Variants in DMBT1 observed in about 807,000 individuals in gnomAD.
DMBT1 encodes deleted in malignant brain tumors 1.
In DMBT1, 198 loss-of-function variants were observed where a neutral mutation model predicts 252.9. The observed-to-expected ratio is 0.78, with a 90% CI of 0.70 to 0.88. DMBT1 has a LOEUF of 0.88. Among genes scored for constraint, DMBT1 ranks in the 40% least tolerant of loss-of-function variants. DMBT1 has a pLI of 0.00. For missense variants in DMBT1, 2,432 were observed against 2,404.7 expected, an observed-to-expected ratio of 1.01 and a Z score of -0.24; for synonymous variants, 990 against 942.7, an observed-to-expected ratio of 1.05 and a Z score of -0.92.
intron 52 of DMBT1, among the ~76,000 whole-genome samples, chr10:122,634,031 G>A (rs1419597038): frequency 6.6e-6 from 1 of 152,200 alleles, no homozygotes; most frequent in African/African-American, 2.4e-5. Flanking sequence ...CAGCTACTAA[G>A]GAGGCTGAGG....
In DMBT1 at chr10:122,584,340, C is replaced by A. The variant is rs917724199; in HGVS notation, c.1409C>A (p.Thr470Lys). ...CTCACAGCTGCCCACTCCTGGTCGA[C>A]GCCCAGTCCAGGTGAGTCCCCAGTG... ...VICSAAHSWS[T>K]PSPDTLPTIT... The change falls in exon 14 of 56, where the codon ACG becomes AAG. Residue 470 changes from threonine (T) to lysine (K), a missense_variant. Physicochemically the swap from Thr to Lys is moderately conservative, Grantham distance 78. Transcript: ENST00000338354. The A allele has an allele frequency of 1.8e-6, 1 of 556,332 alleles. No homozygotes were observed. Among genetic ancestry groups the A allele is most frequent in the African/African-American group, 2.3e-5 (1 of 44,072 alleles). 34.5% of individuals were successfully genotyped at this position (556,332 alleles called of 1,614,324 possible). A position where few individuals can be genotyped will look rare whatever the true frequency, so the allele number is the denominator to read the frequency against.
At chr10:122,579,078 T>C (rs2097740284) in intron 9 of DMBT1, among the ~76,000 whole-genome samples, 1 of 152,060 alleles carries the variant, frequency 6.6e-6, no homozygotes, top group African/African-American at 2.4e-5. Flanking sequence ...AGATGTGATA[T>C]TGGAGGGTGG....
chr10:122,632,911 C>A lies in DMBT1; in HGVS notation c.6397+21C>A, dbSNP rs755424002. ...AAACAGTAAGTTCTGAGCTCCCTGA[C>A]AAGTCTGTGGCAGAGTGGCCTGGAA... On this transcript the variant is annotated intron_variant, in intron 51 of 55. Transcript: ENST00000338354. 1.4e-5 allele frequency: 22 copies of A among 1,613,678 alleles called. No individual in the cohort carries two copies. The Middle Eastern group carries it at 4.9e-4, about 36-fold the overall frequency.
chr10:122,598,900 A>T lies in DMBT1; in HGVS notation c.3083A>T (p.Asn1028Ile), dbSNP rs779483533. ...GACAGCTGGGACACCAATGATGCCA[A>T]TGTCGTCTGCAGGCAACTGGGCTGT... Reference protein sequence around the residue: ...CDDSWDTNDANVVCRQLGCGW... With the variant: ...CDDSWDTNDAIVVCRQLGCGW... Residue 1028 changes from asparagine (N) to isoleucine (I), a missense_variant, in exon 26 of 56, where the codon AAT (asparagine) becomes ATT (isoleucine). By Grantham distance (149) the Asn-to-Ile change is moderately radical. This residue lies in a region of DMBT1 where 1,264 missense variants were observed against 1,082.2 expected (regional missense o/e 1.17). Coordinates refer to ENST00000338354, the MANE Select transcript of DMBT1 (RefSeq NM_001377530.1). The T allele has an allele frequency of 3.0e-5, 48 of 1,613,828 alleles. No homozygotes were observed. The East Asian group carries it at 9.1e-4, about 31-fold the overall frequency.
intron 48 of DMBT1, 109 bp from the exon 49 acceptor site, chr10:122,630,852 G>A: frequency 8.1e-7 from 1 of 1,228,718 alleles, no homozygotes; most frequent in Non-Finnish European, 1.1e-6. Flanking sequence ...TTTCTATTTG[G>A]CGACTTTAGA....
chr10:122,618,912 G>T (rs2098031200), intron 41 of DMBT1, among the ~76,000 whole-genome samples: 1 of 152,236 alleles, frequency 6.6e-6, no homozygotes. Context: ...GTGTGGGGAG[G>T]GCAGCCCCCA....
intron 40 of DMBT1, among the ~76,000 whole-genome samples, chr10:122,617,613 G>T (rs1317001616): frequency 2.0e-5 from 3 of 151,746 alleles, no homozygotes; most frequent in Middle Eastern, 3.4e-3. Flanking sequence ...CCCTGCAGCT[G>T]TCTGGCCAAG....
At chr10:122,565,305 G>T (rs562789287) in intron 1 of DMBT1, among the ~76,000 whole-genome samples, 3 of 152,244 alleles carry the variant, frequency 2.0e-5, no homozygotes, top group Admixed American at 1.3e-4. Flanking sequence ...GATAGGATGA[G>T]TTTTATCCTT....
chr10:122,593,717 C>T (rs2097873473), intron 21 of DMBT1, 119 bp downstream of exon 21: 2 of 1,320,476 alleles, frequency 1.5e-6, no homozygotes, highest in South Asian at 1.4e-5. Flanking sequence ...ATTATTTCCA[C>T]CCCCAACACC....
intron 5 of DMBT1, among the ~76,000 whole-genome samples, 190 bp from the exon 6 acceptor site, chr10:122,573,525 A>G (rs1186757110): frequency 1.3e-5 from 2 of 152,200 alleles, no homozygotes; most frequent in Admixed American, 1.3e-4. Flanking sequence ...AAGGATGCTC[A>G]TGTGGCATCC....
intron 44 of DMBT1, among the ~76,000 whole-genome samples, chr10:122,622,231 G>A (rs2098076968): frequency 6.6e-6 from 1 of 152,188 alleles, no homozygotes; most frequent in African/African-American, 2.4e-5. Flanking sequence ...CAGCAGGTCT[G>A]GGTGAAACTC....
chr10:122,630,592 C>T lies in DMBT1; in HGVS notation c.6025+102C>T, dbSNP rs1045077138. 51 of 1,197,210 alleles carry T rather than the reference C, an allele frequency of 4.3e-5. 1 individual carries two copies. The highest frequency in any genetic ancestry group is 1.0e-4 in the Admixed American group (5 of 48,384). The allele number at this position is 1,197,210 out of a possible 1,614,324, so 74.2% of individuals were successfully genotyped here. A position where few individuals can be genotyped will look rare whatever the true frequency, so the allele number is the denominator to read the frequency against. On this transcript the variant is annotated intron_variant, in intron 48 of 55. Transcript: ENST00000338354. ...CAAGGAAATCAAAGAAGGGCCTCAG[C>T]GATGCACGGCCCATTCTCTTTCTCT...
At chr10:122,630,034 T>G in intron 47 of DMBT1, 41 bp downstream of exon 47, 1 of 1,610,354 alleles carries the variant, frequency 6.2e-7, no homozygotes, top group Non-Finnish European at 8.5e-7. Context: ...TGAGTTCCTC[T>G]GCAGCACACC....
At chr10:122,634,429 CT>C (rs60007646) in intron 52 of DMBT1, among the ~76,000 whole-genome samples, 3,045 of 53,464 alleles carry the variant, frequency 0.057, 90 homozygotes, top group African/African-American at 0.11. Context: ...CTCTCTCTCT[CT>C]TCTCTCTCTC....
rs752458397 is a variant in DMBT1, at chr10:122,637,298, G to A, written c.6928G>A (p.Gly2310Ser). 4 of 1,609,392 alleles carry A rather than the reference G, an allele frequency of 2.5e-6. No individual in the cohort carries two copies. Among genetic ancestry groups the A allele is most frequent in the South Asian group, 1.1e-5 (1 of 90,334 alleles). ...VIFTIPYSGC[G>S]TFKQADNDTI... ...ATTCACAATTCCCTACTCAGGCTGCGGCACCTTCAAGCAGGTAAGCCTGGG... is the reference window on the plus strand; with the variant it reads ...ATTCACAATTCCCTACTCAGGCTGCAGCACCTTCAAGCAGGTAAGCCTGGG... Residue 2310 changes from glycine (G) to serine (S), a missense_variant, in exon 54 of 56, where the codon GGC becomes AGC. This residue lies in a region of DMBT1 where 1,162 missense variants were observed against 1,169.0 expected (regional missense o/e 0.99). Coordinates refer to ENST00000338354, the MANE Select transcript of DMBT1 (RefSeq NM_001377530.1).
intron 50 of DMBT1, 30 bp downstream of exon 50, chr10:122,631,905 C>T: frequency 6.2e-7 from 1 of 1,612,232 alleles, no homozygotes; most frequent in Non-Finnish European, 8.5e-7. Flanking sequence ...ATTCCACTTC[C>T]CTGGTCTCCA....
At position 122,621,122 on chromosome 10, in the gene DMBT1, G is replaced by A. The variant is rs747389264; in HGVS notation, c.5350G>A (p.Val1784Ile). 1.2e-6 allele frequency: 2 copies of A among 1,613,654 alleles called. No individual in the cohort carries two copies. Among genetic ancestry groups the A allele is most frequent in the Non-Finnish European group, 1.7e-6 (2 of 1,179,766 alleles). Residue 1784 changes from valine (V) to isoleucine (I), a missense_variant, in exon 44 of 56, where the codon GTC becomes ATC. Coordinates refer to ENST00000338354, the MANE Select transcript of DMBT1 (RefSeq NM_001377530.1). ...TGACAGGTGTCGAGGCCGAGTGGAG[G>A]TCCTGTATCGAGGCTCCTGGGGAAC... ...GGDRCRGRVE[V>I]LYRGSWGTVC...
At chr10:122,577,329 T>C (rs2097721281) in intron 7 of DMBT1, among the ~76,000 whole-genome samples, 1 of 152,124 alleles carries the variant, frequency 6.6e-6, no homozygotes, top group Non-Finnish European at 1.5e-5. Context: ...ATGATTGCTG[T>C]GAAGAGAGGC....
In DMBT1 at chr10:122,640,469, G is replaced by T. The variant is rs2261660; in HGVS notation, c.7352+20G>T. On this transcript the variant is annotated intron_variant, in intron 55 of 55. Coordinates refer to ENST00000338354, the MANE Select transcript of DMBT1 (RefSeq NM_001377530.1). Reference sequence around the variant, plus strand: ...GAGTGGGTAAGGAGTGTCTTTATGCGATGGCCTTAAACCTTTACTTGATAA... The same window carrying T: ...GAGTGGGTAAGGAGTGTCTTTATGCTATGGCCTTAAACCTTTACTTGATAA... 661,908 of 1,593,938 alleles carry T rather than the reference G, an allele frequency of 0.42. 146,452 individuals are homozygous for T. The highest frequency in any genetic ancestry group is 0.78 in the African/African-American group (58,561 of 74,638).
Sources: gnomAD v4.1 joint callset for allele counts (sites outside exome capture counted in the v4.1 genomes callset) on GRCh38, gnomAD v4.1.1 for gene constraint, gnomAD v4.1.1 regional missense constraint, MANE v1.5 for transcripts, NCBI Gene and HGNC (gene_info 2026-07-23, HGNC 2026-07-21) for gene names.